Variants in AGBL1 observed in about 807,000 individuals in gnomAD.
AGBL1 encodes AGBL carboxypeptidase 1, also known as cytosolic carboxypeptidase 4.
AGBL1 carries 130 observed loss-of-function variants against 118.9 expected under a neutral mutation model. The ratio of observed to expected loss-of-function variants is 1.09; its 90% CI spans 0.95 to 1.26. The LOEUF (loss-of-function observed/expected upper bound fraction) is 1.26, where lower values mean the gene tolerates loss of function less well. AGBL1 is among the 50% of genes most tolerant of loss of function. The pLI is 0.00. For missense variants in AGBL1, 1,584 were observed against 1,298.1 expected, an observed-to-expected ratio of 1.22 and a Z score of -3.38; for synonymous variants, 555 against 478.9, an observed-to-expected ratio of 1.16 and a Z score of -2.08.
At chr15:86,145,079 C>T (rs549953968) in intron 3 of AGBL1, among the ~76,000 whole-genome samples, 15 of 152,274 alleles carry the variant, frequency 9.9e-5, no homozygotes, top group African/African-American at 2.6e-4. Flanking sequence ...TCCATCTTCA[C>T]GTGCTGTTCT....
chr15:86,552,073 A>AT (rs992459222), intron 20 of AGBL1, among the ~76,000 whole-genome samples: 32 of 152,272 alleles, frequency 2.1e-4, no homozygotes, highest in African/African-American at 2.6e-4. Context: ...ATCATTATAC[A>AT]TTTTTTCAAA....
intron 24 of AGBL1, among the ~76,000 whole-genome samples, chr15:87,019,746 T>G (rs2081643176): frequency 6.6e-6 from 1 of 151,446 alleles, no homozygotes; most frequent in African/African-American, 2.4e-5. Context: ...TCCAAAACAT[T>G]GCAAAAGACA....
Position 86,178,180 on chromosome 15 carries a change from G to A in AGBL1, c.488+19154G>A, listed in dbSNP as rs191097618. Among the ~76,000 whole-genome samples, 184 of 152,220 alleles carry A rather than the reference G, an allele frequency of 1.2e-3. 1 individual carries two copies. Among genetic ancestry groups the A allele is most frequent in the African/African-American group, 4.3e-3 (180 of 41,548 alleles). ...TACAAAAATTTAGTTGGGTGTGGTG[G>A]CACCTGCCCGTAATCCCAGCTACGT... On this transcript the variant is annotated intron_variant, in intron 5 of 22. Coordinates refer to ENST00000614907, the MANE Select transcript of AGBL1 (RefSeq NM_001386094.1).
At chr15:86,100,702 G>T (rs1470841736) in intron 1 of AGBL1, among the ~76,000 whole-genome samples, 1 of 151,922 alleles carries the variant, frequency 6.6e-6, no homozygotes, top group East Asian at 1.9e-4. Flanking sequence ...GGTATCAGTT[G>T]TAATAGCTTT....
At chr15:86,735,653 G>GCT (rs1555444825) in intron 22 of AGBL1, among the ~76,000 whole-genome samples, 14 of 143,070 alleles carry the variant, frequency 9.8e-5, no homozygotes, top group African/African-American at 3.8e-4. Context: ...GCTACAAAGA[G>GCT]AGATATATAT....
intron 18 of AGBL1, among the ~76,000 whole-genome samples, chr15:86,503,382 C>A (rs2142163810): frequency 6.6e-6 from 1 of 151,242 alleles, no homozygotes; most frequent in South Asian, 2.1e-4. Flanking sequence ...AAAGAACCAA[C>A]TTTTAGTTCC....
chr15:86,562,539 C>G (rs142771818), intron 21 of AGBL1, among the ~76,000 whole-genome samples: 10,063 of 152,116 alleles, frequency 0.066, 862 homozygotes, highest in African/African-American at 0.2. Context: ...GCTGGATTTG[C>G]TTTGCCAGTA....
intron 17 of AGBL1, among the ~76,000 whole-genome samples, chr15:86,338,601 A>AGGG (rs1179257233): frequency 6.6e-6 from 1 of 152,136 alleles, no homozygotes; most frequent in African/African-American, 2.4e-5. Context: ...CCACAAAGGT[A>AGGG]GGGGGGTGGC....
chr15:86,996,732 T>G (rs1412889129), intron 24 of AGBL1, among the ~76,000 whole-genome samples: 1 of 152,234 alleles, frequency 6.6e-6, no homozygotes, highest in African/African-American at 2.4e-5. Context: ...GTTTGCCATC[T>G]TTTACCTGAA....
chr15:86,359,513 T>G (rs1414566313), intron 17 of AGBL1, among the ~76,000 whole-genome samples: 1 of 151,526 alleles, frequency 6.6e-6, no homozygotes, highest in Non-Finnish European at 1.5e-5. Context: ...TAAGATTGAT[T>G]TCTCTATTCA....
At chr15:86,617,758 G>GCACACACA (rs1053481155) in intron 21 of AGBL1, among the ~76,000 whole-genome samples, 14 of 82,292 alleles carry the variant, frequency 1.7e-4, no homozygotes, top group African/African-American at 6.1e-4. Context: ...TCAACTTTAT[G>GCACACACA]CGCACACACA....
chr15:86,448,352 A>G (rs553762525), intron 18 of AGBL1, among the ~76,000 whole-genome samples: 11 of 152,150 alleles, frequency 7.2e-5, no homozygotes, highest in Admixed American at 2.0e-4. Context: ...AAGGGAAGAT[A>G]AGACGTCGAT....
At chr15:86,640,878 A>G (rs2256140) in intron 21 of AGBL1, among the ~76,000 whole-genome samples, 135,378 of 152,118 alleles carry the variant, frequency 0.89, 60,420 homozygotes, top group East Asian at 1. Context: ...ACCCTCAGTG[A>G]CAATGAATAA....
intron 20 of AGBL1, among the ~76,000 whole-genome samples, chr15:86,553,639 C>T (rs1567054310): frequency 6.6e-6 from 1 of 152,150 alleles, no homozygotes; most frequent in African/African-American, 2.4e-5. Flanking sequence ...CCTAGTCTGA[C>T]CCTGCTAAGT....
At chr15:86,802,530 C>T (rs1340312481) in intron 22 of AGBL1, among the ~76,000 whole-genome samples, 1 of 152,124 alleles carries the variant, frequency 6.6e-6, no homozygotes. Context: ...ATTCTACCCT[C>T]TTTATTTTTA....
rs1596183323 is a variant in AGBL1 at position 86,490,838 on chromosome 15, C to T, written c.2556-31972C>T. Reference sequence around the variant, plus strand: ...GAATGTGGATTCCAGCCACATCTCCCACCACTTAACAGATTCCAAGTCTCT... The same window carrying T: ...GAATGTGGATTCCAGCCACATCTCCTACCACTTAACAGATTCCAAGTCTCT... On this transcript the variant is annotated intron_variant, in intron 18 of 22. Coordinates refer to ENST00000614907, the MANE Select transcript of AGBL1 (RefSeq NM_001386094.1). Among the ~76,000 whole-genome samples the T allele has an allele frequency of 2.0e-5, 3 of 148,404 alleles. No homozygotes were observed. The South Asian group carries it at 6.5e-4, about 32-fold the overall frequency.
At chr15:86,798,825 C>T (rs944932457) in intron 22 of AGBL1, among the ~76,000 whole-genome samples, 44 of 150,536 alleles carry the variant, frequency 2.9e-4, no homozygotes, top group African/African-American at 1.1e-3. Flanking sequence ...TTCAGTTGTT[C>T]GTGGTGGAGT....
At chr15:86,215,959 T>C (rs745448438) in intron 5 of AGBL1, among the ~76,000 whole-genome samples, 2 of 152,214 alleles carry the variant, frequency 1.3e-5, no homozygotes, top group Admixed American at 6.5e-5. Context: ...GTTCTCAGTA[T>C]AAAAGGATGC....
At chr15:86,698,066 C>G (rs895175964) in intron 22 of AGBL1, among the ~76,000 whole-genome samples, 1 of 151,982 alleles carries the variant, frequency 6.6e-6, no homozygotes, top group African/African-American at 2.4e-5. Flanking sequence ...GCTGCTCTGC[C>G]CATATGAGTT....
Sources: gnomAD v4.1 joint callset for allele counts (sites outside exome capture counted in the v4.1 genomes callset) on GRCh38, gnomAD v4.1.1 for gene constraint, MANE v1.5 for transcripts, NCBI Gene and HGNC (gene_info 2026-07-23, HGNC 2026-07-21) for gene names.